The following PSPC1 variants were observed in gnomAD, a reference collection of about 807,000 sequenced individuals.
The protein encoded by PSPC1 is paraspeckle component 1.
In PSPC1, 14 loss-of-function variants were observed where a neutral mutation model predicts 51.6. The ratio of observed to expected loss-of-function variants is 0.27; its 90% CI spans 0.18 to 0.42. The LOEUF (loss-of-function observed/expected upper bound fraction) is 0.42. PSPC1 is among the 10% of genes least tolerant of loss of function. The pLI is 1.00. For synonymous variants in PSPC1, 193 were observed against 231.9 expected (o/e 0.83, Z 1.53); for missense variants, 406 against 701.1 (o/e 0.58, Z 4.75).
At chr13:19,748,042 C>T (rs749261077) in intron 4 of PSPC1, among the ~76,000 whole-genome samples, 23 of 152,154 alleles carry the variant, frequency 1.5e-4, no homozygotes, top group Non-Finnish European at 2.5e-4. Context: ...GATGAAACCC[C>T]ATCTCTACTA....
downstream of PSPC1, among the ~76,000 whole-genome samples, chr13:19,701,662 T>A (rs1390150963): frequency 2.0e-5 from 3 of 152,198 alleles, no homozygotes. Flanking sequence ...TACAACCAAC[T>A]GCTTTTATGC....
intron 6 of PSPC1, among the ~76,000 whole-genome samples, chr13:19,711,111 G>C (rs1169198558): frequency 1.3e-5 from 2 of 152,104 alleles, no homozygotes; most frequent in Non-Finnish European, 2.9e-5. Flanking sequence ...AATGTGCTGG[G>C]ATTACAAACG....
In PSPC1 at chr13:19,767,173, AAAAAAT is replaced by A. The variant is rs1331898404; in HGVS notation, c.674+5063_674+5068del. The stretch of plus-strand genomic sequence containing the variant: ...AAAATACGAAAAAAAATAAAAAATT[AAAAAAT>A]AAAAATAAAATGGAAAAGCAAGATC... On this transcript the variant is annotated intron_variant, in intron 2 of 8. Transcript: ENST00000338910. Among the ~76,000 whole-genome samples, 44 of 152,124 alleles carry A rather than the reference AAAAAAT, an allele frequency of 2.9e-4. 1 individual carries two copies. The highest frequency in any genetic ancestry group is 4.1e-4 in the South Asian group (2 of 4,822).
downstream of PSPC1, among the ~76,000 whole-genome samples, chr13:19,699,592 C>T (rs527915452): frequency 6.6e-5 from 10 of 151,988 alleles, no homozygotes; most frequent in Admixed American, 5.2e-4. Context: ...GTGGACTCTT[C>T]GATTTCAAGA....
At chr13:19,691,143 T>A (rs909794415) in intron 6 of PSPC1, among the ~76,000 whole-genome samples, 1 of 152,248 alleles carries the variant, frequency 6.6e-6, no homozygotes. Flanking sequence ...ATACCATGAC[T>A]CCATTTTTCC....
chr13:19,746,234 T>C (rs1166782396), intron 4 of PSPC1, among the ~76,000 whole-genome samples: 2 of 151,706 alleles, frequency 1.3e-5, no homozygotes, highest in Admixed American at 1.3e-4. Context: ...AAACCCCATC[T>C]CTACTACTAA....
chr13:19,680,978 G>A (rs909332206), intron 6 of PSPC1, among the ~76,000 whole-genome samples: 1 of 152,226 alleles, frequency 6.6e-6, no homozygotes, highest in Non-Finnish European at 1.5e-5. Context: ...AGCACTTTGG[G>A]AAGCTGACAC....
intron 6 of PSPC1, among the ~76,000 whole-genome samples, chr13:19,714,632 C>T (rs565965318): frequency 1.3e-5 from 2 of 151,036 alleles, no homozygotes; most frequent in East Asian, 2.0e-4. Flanking sequence ...GTAGCTGGAA[C>T]TATAGGCAGA....
At chr13:19,779,184 C>T (rs1889577358) in intron 1 of PSPC1, among the ~76,000 whole-genome samples, 3 of 99,308 alleles carry the variant, frequency 3.0e-5, no homozygotes, top group Admixed American at 1.9e-4. Flanking sequence ...GCAGCTGCCC[C>T]GTCTGAGAAG....
rs1043203925 is a variant in PSPC1, at chr13:19,756,852, G to A, written c.770+2471C>T. On this transcript the variant is annotated intron_variant, in intron 3 of 8. Coordinates refer to ENST00000338910, the MANE Select transcript of PSPC1 (RefSeq NM_001354909.2). ...GAAACGTCAAAGACAGTCAGTCGCC[G>A]GGCATGGTGGCTCACGCCTGTAATC... 5.9e-5 allele frequency among the ~76,000 whole-genome samples: 9 copies of A among 152,114 alleles called. No homozygotes were observed. The East Asian group carries it at 9.9e-4, about 17-fold the overall frequency.
chr13:19,682,092 C>G (rs1877331490), intron 6 of PSPC1, among the ~76,000 whole-genome samples: 1 of 152,098 alleles, frequency 6.6e-6, no homozygotes, highest in Admixed American at 6.5e-5. Flanking sequence ...CATGAAAGAA[C>G]TTGACAACAG....
intron 2 of PSPC1, among the ~76,000 whole-genome samples, chr13:19,766,513 C>A (rs569725563): frequency 6.6e-6 from 1 of 151,826 alleles, no homozygotes; most frequent in Non-Finnish European, 1.5e-5. Context: ...GGCCACATGG[C>A]GAAAATACAA....
chr13:19,725,671 G>C (rs1375673981), intron 6 of PSPC1, among the ~76,000 whole-genome samples: 1 of 152,118 alleles, frequency 6.6e-6, no homozygotes. Flanking sequence ...AACTGAGCCT[G>C]GTCTGTTCTA....
At chr13:19,680,425 T>A (rs1055070719) in intron 6 of PSPC1, among the ~76,000 whole-genome samples, 1 of 152,350 alleles carries the variant, frequency 6.6e-6, no homozygotes, top group South Asian at 2.1e-4. Context: ...ACAAGGCTGA[T>A]TGTACATTGC....
intron 1 of PSPC1, among the ~76,000 whole-genome samples, chr13:19,777,707 G>A (rs549597645): frequency 6.6e-6 from 1 of 152,196 alleles, no homozygotes; most frequent in Admixed American, 6.5e-5. Context: ...CAGCACTTTG[G>A]GAGGCCAAGG....
At chr13:19,685,256 T>C (rs189470120) in intron 6 of PSPC1, among the ~76,000 whole-genome samples, 5 of 152,292 alleles carry the variant, frequency 3.3e-5, no homozygotes, top group Admixed American at 2.0e-4. Context: ...TAACAGCATA[T>C]CCGTAAGTGC....
intron 3 of PSPC1, among the ~76,000 whole-genome samples, chr13:19,758,090 G>A (rs547195507): frequency 2.4e-4 from 36 of 151,932 alleles, no homozygotes; most frequent in Non-Finnish European, 3.7e-4. Context: ...CGAGGTGGGT[G>A]GATCACGAGG....
At chr13:19,689,854 A>T (rs370466564) in intron 6 of PSPC1, among the ~76,000 whole-genome samples, 1 of 152,242 alleles carries the variant, frequency 6.6e-6, no homozygotes, top group African/African-American at 2.4e-5. Flanking sequence ...CCAAAAAAGC[A>T]ATGTCGATTT....
At chr13:19,750,757 A>G (rs963074751) in intron 4 of PSPC1, among the ~76,000 whole-genome samples, 3 of 146,294 alleles carry the variant, frequency 2.1e-5, no homozygotes, top group Admixed American at 7.3e-5. Flanking sequence ...TACTGCTTGC[A>G]TAAGTAAAAC....
Sources: allele counts gnomAD v4.1 joint callset (sites outside exome capture counted in the v4.1 genomes callset), GRCh38; gene constraint gnomAD v4.1.1; transcripts MANE v1.5; gene names NCBI Gene and HGNC (gene_info 2026-07-23, HGNC 2026-07-21).